Variants in GLCE observed in about 807,000 individuals in gnomAD.
GLCE encodes D-glucuronyl C5-epimerase.
GLCE carries 19 observed loss-of-function variants against 47.9 expected under a neutral mutation model. The ratio of observed to expected loss-of-function variants is 0.40; its 90% confidence interval spans 0.28 to 0.58. GLCE has a LOEUF of 0.58. Ranked by LOEUF, GLCE falls within the 20% of genes least tolerant of loss-of-function variation. The pLI is 0.48. For synonymous variants in GLCE, 245 were observed against 263.4 expected (o/e 0.93, Z 0.68); for missense variants, 556 against 743.3 (o/e 0.75, Z 2.93).
chr15:69,231,967 AT>A (rs577285212), intron 2 of GLCE, among the ~76,000 whole-genome samples: 13 of 151,480 alleles, frequency 8.6e-5, no homozygotes, highest in Non-Finnish European at 1.9e-4. Context: ...TAATTTTTAT[AT>A]TTTTAGTAGA....
At chr15:69,260,252 G>T (rs12910460) in intron 3 of GLCE, among the ~76,000 whole-genome samples, 10,371 of 83,176 alleles carry the variant, frequency 0.12, 1,276 homozygotes, top group Non-Finnish European at 0.17. Flanking sequence ...GTCACAACTG[G>T]TTTTTTTTTT....
In GLCE at chr15:69,268,294, A is replaced by G. The variant is rs776302466; in HGVS notation, c.904A>G (p.Thr302Ala). 1.9e-6 allele frequency: 3 copies of G among 1,612,088 alleles called. No individual in the cohort carries two copies. The Admixed American group carries it at 5.0e-5, about 27-fold the overall frequency. The change falls in exon 5 of 5, where the codon ACA becomes GCA. Residue 302 changes from threonine (T) to alanine (A), a missense_variant. Thr to Ala is a moderately conservative substitution (Grantham distance 58, BLOSUM62 0). Around this residue, in one of 3 missense-constraint regions of GLCE, gnomAD observed 74 missense variants for 64.4 expected, o/e 1.15. Coordinates refer to ENST00000261858, the MANE Select transcript of GLCE (RefSeq NM_015554.3). The stretch of plus-strand genomic sequence containing the variant: ...TATTTCATTTGACCTCAAGTTCTTG[A>G]CAAATGGAAGTGTGTCCGTGGTTCT... ...FIISFDLKFLTNGSVSVVLET... is the reference protein window; with the variant it reads ...FIISFDLKFLANGSVSVVLET...
chr15:69,261,454 T>C (rs947996360), intron 4 of GLCE, 125 bp downstream of exon 4: 16 of 856,608 alleles, frequency 1.9e-5, no homozygotes, highest in Middle Eastern at 2.6e-4. Context: ...ATATATAAAG[T>C]AACAAATGGT....
intron 1 of GLCE, among the ~76,000 whole-genome samples, chr15:69,180,344 CA>C (rs919750426): frequency 2.0e-5 from 3 of 151,860 alleles, no homozygotes; most frequent in African/African-American, 7.3e-5. Context: ...ACAAAACAGA[CA>C]AAAATCCCTA....
chr15:69,179,569 C>T (rs1315695448), intron 1 of GLCE, among the ~76,000 whole-genome samples: 1 of 152,242 alleles, frequency 6.6e-6, no homozygotes. Flanking sequence ...ACAGAAATCC[C>T]TGTGCCATCC....
intron 2 of GLCE, among the ~76,000 whole-genome samples, chr15:69,211,705 A>G (rs2052236311): frequency 6.6e-6 from 1 of 151,988 alleles, no homozygotes; most frequent in South Asian, 2.1e-4. Context: ...TCATAAAGGA[A>G]TTTCTCTGTT....
intron 1 of GLCE, among the ~76,000 whole-genome samples, chr15:69,191,416 G>T (rs1235789074): frequency 3.9e-5 from 6 of 152,138 alleles, no homozygotes; most frequent in Non-Finnish European, 7.4e-5. Flanking sequence ...CAGCAGAAGG[G>T]TACAAAGCTA....
At chr15:69,203,450 T>C (rs1156902086) in intron 1 of GLCE, among the ~76,000 whole-genome samples, 1 of 152,120 alleles carries the variant, frequency 6.6e-6, no homozygotes, top group Non-Finnish European at 1.5e-5. Context: ...CTTTGTTTAG[T>C]AAGTTGAACA....
chr15:69,209,472 G>T (rs1595756492), intron 1 of GLCE, among the ~76,000 whole-genome samples: 1 of 152,196 alleles, frequency 6.6e-6, no homozygotes, highest in East Asian at 1.9e-4. Flanking sequence ...TACAACATCA[G>T]TTTGATTTTC....
chr15:69,240,757 C>T (rs575717560), intron 2 of GLCE, among the ~76,000 whole-genome samples: 1 of 151,454 alleles, frequency 6.6e-6, no homozygotes, highest in South Asian at 2.1e-4. Context: ...AGAAGCTCTC[C>T]CAAAATGCAG....
chr15:69,240,593 T>C (rs1171997884), intron 2 of GLCE, among the ~76,000 whole-genome samples: 2 of 152,050 alleles, frequency 1.3e-5, no homozygotes, highest in African/African-American at 4.8e-5. Context: ...TGGATATTAA[T>C]AAGTACGGCC....
rs932262242 is a variant in GLCE at position 69,160,817 on chromosome 15, A to C, written c.-105+60A>C. 1.3e-5 allele frequency: 2 copies of C among 152,630 alleles called. No individual in the cohort carries two copies. The highest frequency in any genetic ancestry group is 4.8e-5 in the African/African-American group (2 of 41,468). 9.5% of individuals were successfully genotyped at this position (152,630 alleles called of 1,614,324 possible). On this transcript the variant is annotated intron_variant, in intron 1 of 4. Coordinates refer to ENST00000261858, the MANE Select transcript of GLCE (RefSeq NM_015554.3). This position sits in a 1 kb window ranked among gnomAD's most constrained non-coding sequence, Gnocchi z 4.2. ...CGGTCGGGGAGCGGGGACACGGAGC[A>C]GCCGGAGCAGGCGGGCTCCTGACGG...
chr15:69,245,622 A>G lies in GLCE; in HGVS notation c.-13-10172A>G, dbSNP rs1168514941. Among the ~76,000 whole-genome samples, 4 of 152,346 alleles carry G rather than the reference A, an allele frequency of 2.6e-5. No individual in the cohort carries two copies. In the East Asian group the frequency reaches 7.7e-4, roughly 29 times the overall value. The stretch of plus-strand genomic sequence containing the variant: ...CATGCCATTTGATAGCATTTTATCC[A>G]CAATAGAACTTCTTTCAAAATTGGA... On this transcript the variant is annotated intron_variant, in intron 2 of 4. Transcript: ENST00000261858.
In GLCE at chr15:69,208,889, G is replaced by GT. The variant is rs1356652755; in HGVS notation, c.-104-1426dup. Among the ~76,000 whole-genome samples, 4 of 152,134 alleles carry GT rather than the reference G, an allele frequency of 2.6e-5. No individual in the cohort carries two copies. The East Asian group carries it at 7.7e-4, about 29-fold the overall frequency. ...GTTTTTTATGGAGCTATTTTGAACG[G>GT]TATTATTTTTAAATGTGAGGGTTCC... On this transcript the variant is annotated intron_variant, in intron 1 of 4. Coordinates refer to ENST00000261858, the MANE Select transcript of GLCE (RefSeq NM_015554.3).
chr15:69,229,856 A>T (rs191031224), intron 2 of GLCE, among the ~76,000 whole-genome samples: 3 of 152,196 alleles, frequency 2.0e-5, no homozygotes, highest in Non-Finnish European at 4.4e-5. Context: ...ATTTAAAAAA[A>T]AATTTCATTT....
intron 4 of GLCE, chr15:69,266,658 A>AT (rs1444342528): frequency 8.0e-6 from 4 of 503,092 alleles, no homozygotes; most frequent in African/African-American, 2.1e-5. Context: ...CACACTAAAG[A>AT]TTTTTTCAAG....
At chr15:69,162,801 T>C (rs186697738) in intron 1 of GLCE, among the ~76,000 whole-genome samples, 1 of 152,274 alleles carries the variant, frequency 6.6e-6, no homozygotes, top group African/African-American at 2.4e-5. Flanking sequence ...CCCAGTCTGG[T>C]CTTGAACTCC....
intron 1 of GLCE, among the ~76,000 whole-genome samples, chr15:69,195,881 T>C (rs906725622): frequency 6.6e-6 from 1 of 152,186 alleles, no homozygotes; most frequent in Non-Finnish European, 1.5e-5. Context: ...TATTGCCAGG[T>C]ACTGTTGTAT....
intron 2 of GLCE, among the ~76,000 whole-genome samples, chr15:69,223,504 C>T (rs1389637540): frequency 1.3e-5 from 2 of 152,114 alleles, no homozygotes; most frequent in East Asian, 3.9e-4. Flanking sequence ...TTAAGATCCT[C>T]ACTTTGTCTT....
Sources: gnomAD v4.1 joint callset for allele counts (sites outside exome capture counted in the v4.1 genomes callset) on GRCh38, gnomAD v4.1.1 for gene constraint, gnomAD v4.1.1 regional missense constraint, Gnocchi (gnomAD v3.1) non-coding constraint, MANE v1.5 for transcripts, NCBI Gene and HGNC (gene_info 2026-07-23, HGNC 2026-07-21) for gene names.